TBKBP1: variants seen among roughly 807,000 people sequenced by gnomAD.
TBKBP1 encodes TBK1 binding protein 1.
Under a neutral mutation model 69.9 loss-of-function variants are expected in TBKBP1, and 47 were observed. The observed-to-expected ratio is 0.67, with a 90% confidence interval of 0.53 to 0.86. TBKBP1 has a LOEUF of 0.86. Among genes scored for constraint, TBKBP1 ranks in the 40% least tolerant of loss-of-function variants. The pLI is 0.00. For missense variants in TBKBP1, 831 were observed against 858.6 expected, an observed-to-expected ratio of 0.97 and a Z score of 0.40; for synonymous variants, 418 against 390.3, an observed-to-expected ratio of 1.07 and a Z score of -0.84.
chr17:47,708,951 C>T lies in TBKBP1; in HGVS notation c.1218C>T (p.Cys406=). 8.2e-7 allele frequency: 1 copy of T among 1,223,912 alleles called. No individual in the cohort carries two copies. Among genetic ancestry groups the T allele is most frequent in the Non-Finnish European group, 1.0e-6 (1 of 974,896 alleles). The allele number at this position is 1,223,912 out of a possible 1,614,324, so 75.8% of individuals were successfully genotyped here. The change falls in exon 9 of 10, where the codon TGC becomes TGT. Residue 406 remains cysteine, a synonymous_variant. Transcript: ENST00000578982. The surrounding 1 kb of genome is among the most constrained non-coding windows in gnomAD (Gnocchi z 4.4). Reference sequence around the variant, plus strand: ...GCCGCTCGCCGGTGCCGCCGTCGTGCCAGTCCCCCAGCCCGCAGCGCCGTT... The same window carrying T: ...GCCGCTCGCCGGTGCCGCCGTCGTGTCAGTCCCCCAGCCCGCAGCGCCGTT... ...PQRRSPVPPS[C]QSPSPQRRSP...
intron 1 of TBKBP1, among the ~76,000 whole-genome samples, chr17:47,694,891 G>T (rs996288813): frequency 1.4e-5 from 2 of 144,234 alleles, no homozygotes; most frequent in Non-Finnish European, 3.0e-5. Flanking sequence ...GTGGCGGAGG[G>T]GGGGGGGTGG....
intron 7 of TBKBP1, among the ~76,000 whole-genome samples, chr17:47,700,318 G>GTTTTTTTTTTTTTT (rs1567905913): frequency 1.2e-5 from 1 of 82,828 alleles, no homozygotes; most frequent in Non-Finnish European, 2.2e-5. Flanking sequence ...TTTTTTTTTG[G>GTTTTTTTTTTTTTT]ATTTTTAGTA....
intron 3 of TBKBP1, 85 bp from the exon 4 acceptor site, chr17:47,697,004 G>A: frequency 2.0e-6 from 3 of 1,519,990 alleles, no homozygotes; most frequent in East Asian, 2.4e-5. Context: ...TGCTGGGAGT[G>A]GGGGTGGGGA....
At chr17:47,695,006 C>T (rs973638036) in intron 1 of TBKBP1, among the ~76,000 whole-genome samples, 1 of 151,784 alleles carries the variant, frequency 6.6e-6, no homozygotes, top group Non-Finnish European at 1.5e-5. Flanking sequence ...GCCCCCTCTC[C>T]GGGGTGCACA....
At chr17:47,706,078 T>G (rs1013826064) in intron 7 of TBKBP1, among the ~76,000 whole-genome samples, 1 of 152,090 alleles carries the variant, frequency 6.6e-6, no homozygotes, top group African/African-American at 2.4e-5. Context: ...GACAGGGACC[T>G]GGGAACTGAG....
At chr17:47,706,500 A>T (rs571155797) in intron 7 of TBKBP1, among the ~76,000 whole-genome samples, 2 of 152,246 alleles carry the variant, frequency 1.3e-5, no homozygotes, top group South Asian at 4.1e-4. Flanking sequence ...GATGGGATGG[A>T]GGCTGCAGGG....
rs115438677 is a variant in TBKBP1 at position 47,710,492 on chromosome 17, C to T, written c.1720-6C>T. ...GACCATAAGTGACTTCCTTCTCTCT[C>T]GACAGTTGCTGATGGAGACGGTGGG... On this transcript the variant is annotated splice_region_variant and splice_polypyrimidine_tract_variant and intron_variant, in intron 9 of 9. Coordinates refer to ENST00000578982, the MANE Select transcript of TBKBP1 (RefSeq NM_001394755.1). 34 of 1,605,840 alleles carry T rather than the reference C, an allele frequency of 2.1e-5. No individual in the cohort carries two copies. In the South Asian group the frequency reaches 2.2e-4, roughly 10 times the overall value.
At position 47,711,370 on chromosome 17, in the gene TBKBP1, C is replaced by G. The variant is rs572676655; in HGVS notation, c.*744C>G. The stretch of plus-strand genomic sequence containing the variant: ...TACGGCCAGGGGACTGTCTGCCAGC[C>G]TCCCAGGCCCATGCCCTCCTGGTGC... On this transcript the variant is annotated 3_prime_UTR_variant, in exon 10 of 10. Coordinates refer to ENST00000578982, the MANE Select transcript of TBKBP1 (RefSeq NM_001394755.1). The G allele has an allele frequency of 1.8e-4, 28 of 152,920 alleles. No homozygotes were observed. Among genetic ancestry groups the G allele is most frequent in the African/African-American group, 6.3e-4 (26 of 41,564 alleles). 9.5% of individuals were successfully genotyped at this position (152,920 alleles called of 1,614,324 possible). A position where few individuals can be genotyped will look rare whatever the true frequency, so the allele number is the denominator to read the frequency against.
chr17:47,701,450 G>T (rs544067267), intron 7 of TBKBP1, among the ~76,000 whole-genome samples: 1 of 152,198 alleles, frequency 6.6e-6, no homozygotes, highest in African/African-American at 2.4e-5. Flanking sequence ...CCCTTCATGG[G>T]TCACTGAACC....
At position 47,708,520 on chromosome 17, in the gene TBKBP1, G is replaced by GGGGCA. The variant is rs778900593; in HGVS notation, c.991+17_991+21dup. ...AACAGGCCCGGAGTGGCGGTGAGAT[G>GGGGCA]GGGCAGGGCAGGGGGAGGCAGCCGC... is the stretch of plus-strand genomic sequence containing the variant. On this transcript the variant is annotated intron_variant, in intron 8 of 9. Coordinates refer to ENST00000578982, the MANE Select transcript of TBKBP1 (RefSeq NM_001394755.1). The surrounding 1 kb of genome is among the most constrained non-coding windows in gnomAD (Gnocchi z 4.4). The GGGGCA allele has an allele frequency of 6.2e-7, 1 of 1,613,436 alleles. No individual in the cohort carries two copies. Among genetic ancestry groups the GGGGCA allele is most frequent in the African/African-American group, 1.3e-5 (1 of 75,028 alleles).
chr17:47,696,666 G>A (rs771526193), intron 2 of TBKBP1, 45 bp from the exon 3 acceptor site: 1 of 1,613,394 alleles, frequency 6.2e-7, no homozygotes, highest in South Asian at 1.1e-5. Context: ...GGCCTGGGCT[G>A]GGCACCCGGG....
chr17:47,710,481 T>G lies in TBKBP1; in HGVS notation c.1720-17T>G, dbSNP rs770473130. 1.1e-5 allele frequency: 17 copies of G among 1,599,142 alleles called. No individual in the cohort carries two copies. The highest frequency in any genetic ancestry group is 1.5e-5 in the Non-Finnish European group (17 of 1,168,674). ...TGGGGGCTGGGGACCATAAGTGACT[T>G]CCTTCTCTCTCGACAGTTGCTGATG... On this transcript the variant is annotated splice_polypyrimidine_tract_variant and intron_variant, in intron 9 of 9. Coordinates refer to ENST00000578982, the MANE Select transcript of TBKBP1 (RefSeq NM_001394755.1).
At chr17:47,710,163 G>C (rs879338485) in intron 9 of TBKBP1, among the ~76,000 whole-genome samples, 6 of 152,242 alleles carry the variant, frequency 3.9e-5, no homozygotes, top group Non-Finnish European at 7.3e-5. Flanking sequence ...TTTTGGGGTT[G>C]TACCTTGTTT....
At chr17:47,699,720 G>A (rs775674083) in intron 7 of TBKBP1, 23 bp downstream of exon 7, 2 of 1,613,892 alleles carry the variant, frequency 1.2e-6, no homozygotes, top group Non-Finnish European at 1.7e-6. Context: ...GGTAACCCTG[G>A]TCCCTCCGTG....
chr17:47,704,960 G>T (rs1450170132), intron 7 of TBKBP1, among the ~76,000 whole-genome samples: 1 of 152,240 alleles, frequency 6.6e-6, no homozygotes, highest in African/African-American at 2.4e-5. Context: ...GAGGTGCCAA[G>T]AACCTGTGTT....
chr17:47,709,197 G>GC lies in TBKBP1; in HGVS notation c.1468dup (p.Arg490ProfsTer111). 6.6e-7 allele frequency: 1 copy of GC among 1,509,988 alleles called. No individual in the cohort carries two copies. 93.5% of individuals were successfully genotyped at this position (1,509,988 alleles called of 1,614,324 possible). On this transcript the variant is annotated frameshift_variant, in exon 9 of 10. Coordinates refer to ENST00000578982, the MANE Select transcript of TBKBP1 (RefSeq NM_001394755.1). LOFTEE classifies it high-confidence loss of function. ...AGGCCGAAGCGGCCACTCTCCCCAA[G>GC]CCCCGGGCCTACGGCAGCGAGCTCT...
At chr17:47,696,647 C>G (rs1410445982) in intron 2 of TBKBP1, 64 bp from the exon 3 acceptor site, 8 of 1,610,506 alleles carry the variant, frequency 5.0e-6, no homozygotes, top group Non-Finnish European at 5.9e-6. Flanking sequence ...GGGGGCACAG[C>G]CAGGCTGAGG....
chr17:47,695,648 G>T (rs575915634), intron 1 of TBKBP1: 1 of 155,834 alleles, frequency 6.4e-6, no homozygotes, highest in South Asian at 1.9e-4. Flanking sequence ...CCTTCCTTGG[G>T]GAGGAGCTGG....
At chr17:47,697,769 C>G (rs1436873759) in intron 4 of TBKBP1, among the ~76,000 whole-genome samples, 1 of 151,802 alleles carries the variant, frequency 6.6e-6, no homozygotes, top group Non-Finnish European at 1.5e-5. Context: ...CATAGTGAAA[C>G]CCCATCTCTA....
Sources: allele counts gnomAD v4.1 joint callset (sites outside exome capture counted in the v4.1 genomes callset), GRCh38; gene constraint gnomAD v4.1.1; non-coding constraint Gnocchi (gnomAD v3.1); transcripts MANE v1.5; gene names NCBI Gene and HGNC (gene_info 2026-07-23, HGNC 2026-07-21).